PCGF3: variants seen among roughly 807,000 people sequenced by gnomAD.
The protein encoded by PCGF3 is polycomb group RING finger protein 3.
Under a neutral mutation model 33.1 loss-of-function variants are expected in PCGF3, and 7 were observed. That is an observed-to-expected ratio of 0.21 (90% CI 0.12 to 0.40). The LOEUF (loss-of-function observed/expected upper bound fraction) is 0.40. PCGF3 is among the 10% of genes least tolerant of loss of function. The pLI, the probability that PCGF3 is intolerant of heterozygous loss-of-function variation, is 1.00. For missense variants in PCGF3, 211 were observed against 313.3 expected (o/e 0.67, Z 2.46); for synonymous variants, 153 against 121.3 (o/e 1.26, Z -1.72).
intron 8 of PCGF3, among the ~76,000 whole-genome samples, chr4:752,793 G>A (rs1489585447): frequency 3.3e-5 from 5 of 152,220 alleles, no homozygotes; most frequent in South Asian, 4.1e-4. Flanking sequence ...CTGTGACCCC[G>A]CCAGGGCAAC....
At chr4:736,672 C>G (rs577136077) in intron 5 of PCGF3, among the ~76,000 whole-genome samples, 1 of 138,118 alleles carries the variant, frequency 7.2e-6, no homozygotes, top group African/African-American at 2.8e-5. Flanking sequence ...GACGGTGTCT[C>G]CTGAGCGCAC....
intron 1 of PCGF3, among the ~76,000 whole-genome samples, chr4:711,364 T>C (rs1742553532): frequency 6.6e-6 from 1 of 152,264 alleles, no homozygotes. Flanking sequence ...TGTTACTCTT[T>C]ATTAAATGGC....
chr4:754,656 C>T (rs1175830060), intron 8 of PCGF3, among the ~76,000 whole-genome samples: 1 of 152,140 alleles, frequency 6.6e-6, no homozygotes, highest in Middle Eastern at 3.2e-3. Flanking sequence ...ACCTTGGGGG[C>T]CTGTGGCGAG....
chr4:734,301 A>G, intron 4 of PCGF3: 1 of 1,451,386 alleles, frequency 6.9e-7, no homozygotes, highest in Non-Finnish European at 9.1e-7. Flanking sequence ...CTCTTATGCT[A>G]ACCTGAGGCC....
chr4:727,233 C>CTTTTTTTTTTTTGT (rs1743367890), intron 1 of PCGF3, among the ~76,000 whole-genome samples: 1 of 61,892 alleles, frequency 1.6e-5, no homozygotes, highest in Non-Finnish European at 2.9e-5. Context: ...TAGCGAGCGT[C>CTTTTTTTTTTTTGT]TTTTTTTTTT....
At chr4:733,403 G>A (rs1743699282) in intron 3 of PCGF3, among the ~76,000 whole-genome samples, 2 of 152,240 alleles carry the variant, frequency 1.3e-5, no homozygotes, top group African/African-American at 2.4e-5. Flanking sequence ...CACTGCAGGA[G>A]GAGAGGAGGG....
intron 8 of PCGF3, among the ~76,000 whole-genome samples, chr4:754,479 C>T (rs963892555): frequency 6.6e-6 from 1 of 152,168 alleles, no homozygotes; most frequent in African/African-American, 2.4e-5. Flanking sequence ...CCCATCCAGG[C>T]CAGAGCCCCT....
At chr4:729,128 A>T (rs1012579861) in intron 1 of PCGF3, among the ~76,000 whole-genome samples, 37 of 135,724 alleles carry the variant, frequency 2.7e-4, no homozygotes, top group Admixed American at 1.5e-4. Context: ...AAAAAAAAAA[A>T]ACTGGGCTGG....
chr4:716,966 G>A (rs1271812426), intron 1 of PCGF3, among the ~76,000 whole-genome samples: 3 of 143,072 alleles, frequency 2.1e-5, no homozygotes, highest in African/African-American at 5.2e-5. Context: ...AGAACTGGGC[G>A]TCGGTGCTGG....
intron 9 of PCGF3, 76 bp downstream of exon 9, chr4:761,492 T>C (rs1295211026): frequency 6.9e-7 from 1 of 1,459,410 alleles, no homozygotes. Flanking sequence ...ATTCTTTGCT[T>C]AGTTTTGTTT....
At chr4:714,967 A>G (rs1322794981) in intron 1 of PCGF3, among the ~76,000 whole-genome samples, 2 of 149,456 alleles carry the variant, frequency 1.3e-5, no homozygotes, top group East Asian at 2.0e-4. Context: ...GGGACGCTGT[A>G]GACGCTGTGA....
Position 720,754 on chromosome 4 carries a change from G to C in PCGF3, c.-189-9876G>C, listed in dbSNP as rs1743045016. Among the ~76,000 whole-genome samples, 2 of 152,032 alleles carry C rather than the reference G, an allele frequency of 1.3e-5. No homozygotes were observed. Among genetic ancestry groups the C allele is most frequent in the African/African-American group, 4.8e-5 (2 of 41,378 alleles). On this transcript the variant is annotated intron_variant, in intron 1 of 10. Coordinates refer to ENST00000362003, the Ensembl canonical transcript of PCGF3. This position sits in a 1 kb window ranked among gnomAD's most constrained non-coding sequence, Gnocchi z 5.6. ...TGCGTGTGGACCCGGCGTGGACGCA[G>C]CCCCGACGTGAATGGATGTGGTTCC...
chr4:763,359 G>C (rs1745175355), intron 9 of PCGF3, among the ~76,000 whole-genome samples: 1 of 152,110 alleles, frequency 6.6e-6, no homozygotes, highest in Non-Finnish European at 1.5e-5. Flanking sequence ...GCGCAGGGCT[G>C]GTTCCTCCAG....
At chr4:749,152 C>G (rs747240003) in intron 8 of PCGF3, among the ~76,000 whole-genome samples, 7 of 152,152 alleles carry the variant, frequency 4.6e-5, no homozygotes, top group Non-Finnish European at 1.0e-4. Context: ...TTAAATTGAT[C>G]AAATATTGAA....
At chr4:734,444 A>G in intron 4 of PCGF3, 1 of 1,272,072 alleles carries the variant, frequency 7.9e-7, no homozygotes. Context: ...TGTATTTCTC[A>G]CTTTAGGAAA....
exon 11 of PCGF3, chr4:767,073 C>G (rs928594034): frequency 2.6e-5 from 4 of 152,334 alleles, no homozygotes; most frequent in African/African-American, 7.2e-5. Context: ...CAAGGCCTCC[C>G]CTTCCCCTTT....
exon 11 of PCGF3, chr4:770,008 G>C (rs150854356): frequency 6.6e-6 from 1 of 152,558 alleles, no homozygotes; most frequent in African/African-American, 2.4e-5. Context: ...TAAATGTTTT[G>C]ATTTTATGAT....
intron 1 of PCGF3, among the ~76,000 whole-genome samples, chr4:730,009 T>TG (rs1743485523): frequency 6.6e-6 from 1 of 152,080 alleles, no homozygotes; most frequent in Non-Finnish European, 1.5e-5. Flanking sequence ...CGTGGTCCCC[T>TG]GGTCCCGGGT....
chr4:723,149 G>T (rs1290825807), intron 1 of PCGF3, among the ~76,000 whole-genome samples: 6 of 142,214 alleles, frequency 4.2e-5, no homozygotes, highest in Non-Finnish European at 7.7e-5. Context: ...AGTCATCGCC[G>T]TCCGCGCCGG....
Sources: gnomAD v4.1 joint callset for allele counts (sites outside exome capture counted in the v4.1 genomes callset) on GRCh38, gnomAD v4.1.1 for gene constraint, Gnocchi (gnomAD v3.1) non-coding constraint, MANE v1.5 for transcripts, NCBI Gene and HGNC (gene_info 2026-07-23, HGNC 2026-07-21) for gene names.